MAP3K12: variants seen among roughly 807,000 people sequenced by gnomAD.
MAP3K12 encodes the protein MAPK-upstream kinase.
In MAP3K12, 14 loss-of-function variants were observed where a neutral mutation model predicts 87.5. The ratio of observed to expected loss-of-function variants is 0.16; its 90% CI spans 0.11 to 0.25. The LOEUF is 0.25. Among genes scored for constraint, MAP3K12 ranks in the 10% least tolerant of loss-of-function variants. The pLI is 1.00. For synonymous variants in MAP3K12, 469 were observed against 452.5 expected (o/e 1.04, Z -0.46); for missense variants, 802 against 1,140.4 (o/e 0.70, Z 4.27).
chr12:53,484,995 C>G, intron 6 of MAP3K12, 61 bp downstream of exon 6: 2 of 1,601,398 alleles, frequency 1.2e-6, no homozygotes, highest in Non-Finnish European at 8.5e-7. Flanking sequence ...TCAGTCCAGC[C>G]CAGTACTACC....
At position 53,486,755 on chromosome 12, in the gene MAP3K12, G is replaced by A; in HGVS notation, c.446-133C>T. ...AAGCCAAAAATAGGCCAAGAAGAAG[G>A]TTCGAGGGGACAGGGAAGGAATGAA... is the stretch of plus-strand genomic sequence containing the variant. On this transcript the variant is annotated intron_variant, in intron 2 of 13. Coordinates refer to ENST00000547488, the MANE Select transcript of MAP3K12 (RefSeq NM_001193511.2). This position sits in a 1 kb window ranked among gnomAD's most constrained non-coding sequence, Gnocchi z 4.9. 6.9e-7 allele frequency: 1 copy of A among 1,455,408 alleles called. No individual in the cohort carries two copies. The highest frequency in any genetic ancestry group is 1.4e-5 in the African/African-American group (1 of 70,178). 90.2% of individuals were successfully genotyped at this position (1,455,408 alleles called of 1,614,324 possible). A position where few individuals can be genotyped will look rare whatever the true frequency, so the allele number is the denominator to read the frequency against.
upstream of MAP3K12, chr12:53,501,406 G>A (rs367720214): frequency 9.0e-6 from 14 of 1,563,892 alleles, no homozygotes; most frequent in Non-Finnish European, 1.2e-5. Context: ...GACGGAGGAG[G>A]GAATGAGTGA....
chr12:53,495,594 TGCCCA>T (rs1168587792), intron 1 of MAP3K12, among the ~76,000 whole-genome samples: 1 of 150,352 alleles, frequency 6.7e-6, no homozygotes, highest in East Asian at 2.0e-4. Context: ...CTCATTCTGT[TGCCCA>T]GGCTGGTTCC....
intron 13 of MAP3K12, 51 bp from the exon 14 acceptor site, chr12:53,481,331 G>T: frequency 1.8e-6 from 2 of 1,114,526 alleles, no homozygotes; most frequent in Non-Finnish European, 1.2e-6. Context: ...TCTTTGCTGG[G>T]GTCATTTTAA....
rs568389481 is a variant in MAP3K12 at position 53,495,516 on chromosome 12, T to C, written c.-38+3911A>G. On this transcript the variant is annotated intron_variant, in intron 1 of 13. Transcript: ENST00000547488. ...AGTCCGCCGCCACTGCACTCTAGCC[T>C]GGGCAACAGAGCGAGACTCCATCTC... Among the ~76,000 whole-genome samples the C allele has an allele frequency of 1.8e-4, 22 of 120,490 alleles. No homozygotes were observed. In the East Asian group the frequency reaches 5.5e-3, roughly 30 times the overall value. The allele number at this position is 120,490 out of a possible 152,430, so 79.0% of individuals were successfully genotyped here. A position where few individuals can be genotyped will look rare whatever the true frequency, so the allele number is the denominator to read the frequency against.
intron 1 of MAP3K12, among the ~76,000 whole-genome samples, chr12:53,490,636 C>G (rs551016690): frequency 6.6e-6 from 1 of 150,884 alleles, no homozygotes; most frequent in Admixed American, 6.6e-5. Context: ...CCCAGCTACT[C>G]GGGAGGCTGA....
In MAP3K12 at chr12:53,486,754, G is replaced by C; in HGVS notation, c.446-132C>G. On this transcript the variant is annotated intron_variant, in intron 2 of 13. Transcript: ENST00000547488. The surrounding 1 kb of genome is among the most constrained non-coding windows in gnomAD (Gnocchi z 4.9). ...AAAGCCAAAAATAGGCCAAGAAGAAGGTTCGAGGGGACAGGGAAGGAATGA... is the reference window on the plus strand; with the variant it reads ...AAAGCCAAAAATAGGCCAAGAAGAACGTTCGAGGGGACAGGGAAGGAATGA... The C allele has an allele frequency of 6.9e-7, 1 of 1,454,574 alleles. No individual in the cohort carries two copies. Among genetic ancestry groups the C allele is most frequent in the South Asian group, 1.5e-5 (1 of 68,668 alleles). 90.1% of individuals were successfully genotyped at this position (1,454,574 alleles called of 1,614,324 possible).
At position 53,487,117 on chromosome 12, in the gene MAP3K12, C is replaced by T. The variant is rs1403570358; in HGVS notation, c.275G>A (p.Gly92Glu). Reference sequence around the variant, plus strand: ...ACTCTCAGGTGACCCAGCTGCTCCCCCTGGGCCCCCTGCATCCTGCTCATG... The same window carrying T: ...ACTCTCAGGTGACCCAGCTGCTCCCTCTGGGCCCCCTGCATCCTGCTCATG... ...QLHEQDAGGP[G>E]GAAGSPESRA... The change falls in exon 2 of 14, where the codon GGG (glycine) becomes GAG (glutamate). Residue 92 changes from glycine (G) to glutamate (E), a missense_variant. Physicochemically the swap from Gly to Glu is moderately conservative, Grantham distance 98. Coordinates refer to ENST00000547488, the MANE Select transcript of MAP3K12 (RefSeq NM_001193511.2). The T allele has an allele frequency of 6.2e-7, 1 of 1,614,034 alleles. No homozygotes were observed. The highest frequency in any genetic ancestry group is 1.7e-5 in the Admixed American group (1 of 60,016).
intron 6 of MAP3K12, chr12:53,484,721 C>T: frequency 2.2e-6 from 1 of 451,522 alleles, no homozygotes; most frequent in East Asian, 4.4e-5. Flanking sequence ...GGGGTCCTTT[C>T]CTTCTGTGTT....
At position 53,483,484 on chromosome 12, in the gene MAP3K12, C is replaced by T. The variant is rs757357140; in HGVS notation, c.1478G>A (p.Arg493Gln). The T allele has an allele frequency of 1.9e-6, 3 of 1,614,114 alleles. No homozygotes were observed. Among genetic ancestry groups the T allele is most frequent in the Non-Finnish European group, 1.7e-6 (2 of 1,180,002 alleles). ...GCACCTCCGCTCTAAAGCTTGCTCT[C>T]GCCTAAAGATCCAGGCACCTTCTCA... ...LELKERELLR[R>Q]EQALERRCPG... Residue 493 changes from arginine to glutamine, a missense_variant and splice_region_variant, in exon 10 of 14, where the codon CGA (arginine) becomes CAA (glutamine). Coordinates refer to ENST00000547488, the MANE Select transcript of MAP3K12 (RefSeq NM_001193511.2).
At chr12:53,501,511 CG>C, upstream of MAP3K12, 7 of 1,551,220 alleles carry the variant, frequency 4.5e-6, no homozygotes, top group Non-Finnish European at 6.1e-6. Context: ...TGGGGCCGTG[CG>C]GAGGGAGTAG....
At chr12:53,490,452 T>C (rs1219306187) in intron 1 of MAP3K12, among the ~76,000 whole-genome samples, 2 of 150,864 alleles carry the variant, frequency 1.3e-5, no homozygotes, top group East Asian at 2.0e-4. Flanking sequence ...TACAAAAATA[T>C]AAAAATTAGC....
chr12:53,493,117 A>T (rs1462325361), intron 1 of MAP3K12: 1 of 152,298 alleles, frequency 6.6e-6, no homozygotes, highest in Non-Finnish European at 1.5e-5. Flanking sequence ...CGGCTGGGGG[A>T]AGCGCTGGGC....
intron 1 of MAP3K12, among the ~76,000 whole-genome samples, chr12:53,496,323 C>T (rs1943547383): frequency 6.6e-6 from 1 of 152,196 alleles, no homozygotes; most frequent in South Asian, 2.1e-4. Flanking sequence ...ATTCTGTCTC[C>T]TCTGGACTAA....
chr12:53,488,725 C>T (rs528480142), intron 1 of MAP3K12, among the ~76,000 whole-genome samples: 1 of 152,172 alleles, frequency 6.6e-6, no homozygotes, highest in Non-Finnish European at 1.5e-5. Context: ...GGTGTGTTGG[C>T]TCATGCCTGT....
chr12:53,486,701 C>T lies in MAP3K12; in HGVS notation c.446-79G>A. On this transcript the variant is annotated intron_variant, in intron 2 of 13. Coordinates refer to ENST00000547488, the MANE Select transcript of MAP3K12 (RefSeq NM_001193511.2). The surrounding 1 kb of genome is among the most constrained non-coding windows in gnomAD (Gnocchi z 4.9). Reference sequence around the variant, plus strand: ...CAGGGACAGGATAGCATTGGGTTGGCTGAATTGACTTAAGGAGGGTGAGGC... The same window carrying T: ...CAGGGACAGGATAGCATTGGGTTGGTTGAATTGACTTAAGGAGGGTGAGGC... 6.8e-7 allele frequency: 1 copy of T among 1,469,020 alleles called. No individual in the cohort carries two copies. Among genetic ancestry groups the T allele is most frequent in the Non-Finnish European group, 9.0e-7 (1 of 1,115,116 alleles). The allele number at this position is 1,469,020 out of a possible 1,614,324, so 91.0% of individuals were successfully genotyped here. A position where few individuals can be genotyped will look rare whatever the true frequency, so the allele number is the denominator to read the frequency against.
intron 1 of MAP3K12, among the ~76,000 whole-genome samples, chr12:53,498,665 G>A (rs915317496): frequency 3.3e-5 from 5 of 152,050 alleles, no homozygotes; most frequent in South Asian, 2.1e-4. Flanking sequence ...GGAGGTTTTT[G>A]GAGGGCCTGA....
intron 1 of MAP3K12, 64 bp from the exon 2 acceptor site, chr12:53,487,492 T>C (rs1397959722): frequency 1.1e-5 from 17 of 1,485,988 alleles, no homozygotes; most frequent in Middle Eastern, 5.1e-4. Flanking sequence ...CTCAGGACAC[T>C]TATCCCAGAG....
chr12:53,485,291 T>G (rs767490684), intron 5 of MAP3K12, 26 bp downstream of exon 5: 1 of 1,608,120 alleles, frequency 6.2e-7, no homozygotes. Context: ...CCACCCACTC[T>G]TCTCAGTTTT....
Sources: gnomAD v4.1 joint callset for allele counts (sites outside exome capture counted in the v4.1 genomes callset) on GRCh38, gnomAD v4.1.1 for gene constraint, Gnocchi (gnomAD v3.1) non-coding constraint, MANE v1.5 for transcripts, NCBI Gene and HGNC (gene_info 2026-07-23, HGNC 2026-07-21) for gene names.